Variants in PATL1 observed in about 807,000 individuals in gnomAD.
PATL1 encodes the protein protein PAT1 homolog 1.
A neutral mutation model predicts 100.6 loss-of-function variants in PATL1; 32 were observed. The ratio of observed to expected loss-of-function variants is 0.32; its 90% CI spans 0.24 to 0.43. The LOEUF (loss-of-function observed/expected upper bound fraction) is 0.43. Among genes scored for constraint, PATL1 ranks in the 20% least tolerant of loss-of-function variants. The probability of loss-of-function intolerance (pLI) is 1.00; values close to 1 mark genes in which losing one functional copy is unlikely to be tolerated. For missense variants in PATL1, 747 were observed against 949.9 expected (o/e 0.79, Z 2.81); for synonymous variants, 332 against 330.0 (o/e 1.01, Z -0.07).
At chr11:59,645,024 CTTTTTTT>C (rs59644562) in intron 15 of PATL1, among the ~76,000 whole-genome samples, 1 of 130,216 alleles carries the variant, frequency 7.7e-6, no homozygotes, top group African/African-American at 2.8e-5. Flanking sequence ...TCCCCATCCA[CTTTTTTT>C]TTTTTTTTTA....
chr11:59,649,733 T>C lies in PATL1; in HGVS notation c.1585-123A>G. 2.7e-6 allele frequency: 3 copies of C among 1,091,726 alleles called. No homozygotes were observed. The African/African-American group carries it at 4.8e-5, about 18-fold the overall frequency. 67.6% of individuals were successfully genotyped at this position (1,091,726 alleles called of 1,614,324 possible). A position where few individuals can be genotyped will look rare whatever the true frequency, so the allele number is the denominator to read the frequency against. On this transcript the variant is annotated intron_variant, in intron 13 of 18. Transcript: ENST00000300146. ...CTCATTATAGAAAGACTGAGATTTTTTTTTTTTTAATGTAGAAAACCATAT... is the reference window on the plus strand; with the variant it reads ...CTCATTATAGAAAGACTGAGATTTTCTTTTTTTTAATGTAGAAAACCATAT...
intron 4 of PATL1, 136 bp downstream of exon 4, chr11:59,658,729 TA>T: frequency 1.6e-6 from 1 of 640,754 alleles, no homozygotes; most frequent in Non-Finnish European, 2.7e-6. Flanking sequence ...AAGGCATAGC[TA>T]AGTGCTGGAT....
chr11:59,642,302 C>T (rs902122819), intron 16 of PATL1, among the ~76,000 whole-genome samples: 2 of 152,194 alleles, frequency 1.3e-5, no homozygotes, highest in East Asian at 3.8e-4. Flanking sequence ...ATGACAGAGA[C>T]TGCTAATTGC....
At position 59,666,948 on chromosome 11, in the gene PATL1, G is replaced by C. The variant is rs1233269678; in HGVS notation, c.32C>G (p.Pro11Arg). The C allele has an allele frequency of 1.3e-6, 2 of 1,548,752 alleles. No individual in the cohort carries two copies. The highest frequency in any genetic ancestry group is 2.4e-5 in the South Asian group (2 of 83,772). Residue 11 changes from proline to arginine, a missense_variant, in exon 2 of 19, where the codon CCT becomes CGT. Around this residue, in one of 4 missense-constraint regions of PATL1, gnomAD observed 183 missense variants for 221.2 expected, o/e 0.83. Coordinates refer to ENST00000300146, the MANE Select transcript of PATL1 (RefSeq NM_152716.3). ...AAATGCATCTTCATCTTCATCCAGA[G>C]GACAATCCTCCAAAGACTAAAAAAA... Reference protein sequence around the residue: MFRYESLEDCPLDEDEDAFQG... With the variant: MFRYESLEDCRLDEDEDAFQG...
At chr11:59,656,077 A>C in intron 6 of PATL1, 32 bp from the exon 7 acceptor site, 3 of 1,212,606 alleles carry the variant, frequency 2.5e-6, no homozygotes, top group Non-Finnish European at 3.3e-6. Flanking sequence ...AAAAAAGAAT[A>C]TGCTATAAAA....
chr11:59,657,153 T>C, intron 5 of PATL1: 2 of 983,468 alleles, frequency 2.0e-6, no homozygotes, highest in Non-Finnish European at 2.4e-6. Context: ...CTGCACAGGC[T>C]CTAGGGAAAG....
chr11:59,656,790 A>G (rs1374415432), intron 5 of PATL1, among the ~76,000 whole-genome samples, 190 bp from the exon 6 acceptor site: 1 of 152,222 alleles, frequency 6.6e-6, no homozygotes, highest in East Asian at 1.9e-4. Context: ...GTAAAGTGTC[A>G]GCATTAACTG....
At chr11:59,659,544 T>G in intron 2 of PATL1, 75 bp from the exon 3 acceptor site, 1 of 1,397,908 alleles carries the variant, frequency 7.2e-7, no homozygotes, top group Non-Finnish European at 9.6e-7. Context: ...ATTGTTTTTT[T>G]TTTTTTAGAC....
At chr11:59,651,682 A>G (rs1362356116) in intron 11 of PATL1, 41 bp from the exon 12 acceptor site, 2 of 1,308,428 alleles carry the variant, frequency 1.5e-6, no homozygotes, top group Non-Finnish European at 2.2e-6. Context: ...CAAAATAAAA[A>G]GTCAGCAATG....
At position 59,639,162 on chromosome 11, in the gene PATL1, A is replaced by C; in HGVS notation, c.2177T>G (p.Leu726Arg). 1 of 1,614,022 alleles carries C rather than the reference A, an allele frequency of 6.2e-7. No individual in the cohort carries two copies. Reference protein sequence around the residue: ...EVMFMATRELLRIPQAALAKP... With the variant: ...EVMFMATRELRRIPQAALAKP... Reference sequence around the variant, plus strand: ...GGCCAGGGCTGCTTGGGGAATCCGCAGAAGTTCTCGTGTTGCCATGAACAT... The same window carrying C: ...GGCCAGGGCTGCTTGGGGAATCCGCCGAAGTTCTCGTGTTGCCATGAACAT... The change falls in exon 18 of 19, where the codon CTG (leucine) becomes CGG (arginine). Residue 726 changes from leucine to arginine, a missense_variant. Transcript: ENST00000300146.
chr11:59,659,242 A>G lies in PATL1; in HGVS notation c.345+10T>C, dbSNP rs1327224907. On this transcript the variant is annotated intron_variant, in intron 3 of 18. Coordinates refer to ENST00000300146, the MANE Select transcript of PATL1 (RefSeq NM_152716.3). Reference sequence around the variant, plus strand: ...CTGCTATAGTTCTCAAATCACAGTAACTTACTTACTTGTAAAACTGGCCTG... The same window carrying G: ...CTGCTATAGTTCTCAAATCACAGTAGCTTACTTACTTGTAAAACTGGCCTG... 3.2e-6 allele frequency: 5 copies of G among 1,550,042 alleles called. No individual in the cohort carries two copies. The East Asian group carries it at 1.2e-4, about 38-fold the overall frequency.
rs1302724406 is a variant in PATL1 at position 59,654,033 on chromosome 11, G to C, written c.1071C>G (p.Leu357=). ...GCAAGAGTCGACGGTGCTGTGGATG[G>C]AGGTGAGTTGTGTCCGGTCTAAACA... The part of the protein sequence containing the change: ...APMFRPDTTH[L]HPQHRRLLHQ... The change falls in exon 9 of 19, where the codon CTC becomes CTG. Residue 357 remains leucine, a synonymous_variant. Coordinates refer to ENST00000300146, the MANE Select transcript of PATL1 (RefSeq NM_152716.3). 1.9e-6 allele frequency: 3 copies of C among 1,613,862 alleles called. No individual in the cohort carries two copies. The highest frequency in any genetic ancestry group is 3.3e-5 in the Admixed American group (2 of 60,012).
At chr11:59,656,348 G>A in intron 6 of PATL1, 151 bp downstream of exon 6, 1 of 694,134 alleles carries the variant, frequency 1.4e-6, no homozygotes, top group South Asian at 2.0e-5. Context: ...TCTGACCTGG[G>A]GACAATTAGA....
At chr11:59,656,970 C>A (rs889188105) in intron 5 of PATL1, 14 of 551,068 alleles carry the variant, frequency 2.5e-5, no homozygotes, top group Non-Finnish European at 3.0e-5. Flanking sequence ...TATTCTGAAG[C>A]CCCTGTGATA....
At chr11:59,653,269 G>A (rs1590700034) in intron 9 of PATL1, among the ~76,000 whole-genome samples, 1 of 152,210 alleles carries the variant, frequency 6.6e-6, no homozygotes, top group Middle Eastern at 3.4e-3. Flanking sequence ...ATGGACTTTT[G>A]TATAAGCTCT....
intron 5 of PATL1, chr11:59,657,193 T>C: frequency 2.2e-6 from 2 of 923,856 alleles, no homozygotes; most frequent in Non-Finnish European, 2.6e-6. Flanking sequence ...AAAAGGGATG[T>C]GGACAATGCT....
At chr11:59,641,921 C>T (rs947304550) in intron 16 of PATL1, among the ~76,000 whole-genome samples, 5 of 152,166 alleles carry the variant, frequency 3.3e-5, no homozygotes, top group Non-Finnish European at 7.3e-5. Context: ...TAGAGTCATG[C>T]TTTGGTAGGT....
intron 3 of PATL1, 123 bp from the exon 4 acceptor site, chr11:59,659,069 C>T (rs2134756676): frequency 9.7e-7 from 1 of 1,033,172 alleles, no homozygotes; most frequent in Non-Finnish European, 1.4e-6. Context: ...AATTATAGGG[C>T]TCCAGAATAT....
intron 2 of PATL1, 32 bp from the exon 3 acceptor site, chr11:59,659,501 G>T: frequency 6.6e-7 from 1 of 1,508,796 alleles, no homozygotes; most frequent in Non-Finnish European, 8.9e-7. Context: ...GTAAGAAATA[G>T]TTCATAGTGG....
Sources: gnomAD v4.1 joint callset for allele counts (sites outside exome capture counted in the v4.1 genomes callset) on GRCh38, gnomAD v4.1.1 for gene constraint, gnomAD v4.1.1 regional missense constraint, MANE v1.5 for transcripts, NCBI Gene and HGNC (gene_info 2026-07-23, HGNC 2026-07-21) for gene names.